SNX24: variants seen among roughly 807,000 people sequenced by gnomAD.
SNX24 encodes sorting nexin 24.
Under a neutral mutation model 28.7 loss-of-function variants are expected in SNX24, and 22 were observed. The observed-to-expected ratio is 0.77, with a 90% confidence interval of 0.55 to 1.10. The LOEUF is 1.10. Among genes scored for constraint, SNX24 ranks in the 50% least tolerant of loss-of-function variants. The probability of loss-of-function intolerance (pLI) is 0.00; values close to 1 mark genes in which losing one functional copy is unlikely to be tolerated. For missense variants in SNX24, 221 were observed against 201.1 expected (o/e 1.10, Z -0.60); for synonymous variants, 69 against 71.5 (o/e 0.96, Z 0.18).
At chr5:122,899,793 G>C (rs1002553921) in intron 1 of SNX24, among the ~76,000 whole-genome samples, 3 of 152,212 alleles carry the variant, frequency 2.0e-5, no homozygotes, top group Non-Finnish European at 4.4e-5. Context: ...AAGGAATGCA[G>C]TGAGCTCTTA....
intron 5 of SNX24, among the ~76,000 whole-genome samples, chr5:123,020,463 C>CTGAGT (rs1762746737): frequency 6.6e-6 from 1 of 152,174 alleles, no homozygotes; most frequent in Non-Finnish European, 1.5e-5. Flanking sequence ...TCATGTTACT[C>CTGAGT]TGAGTTCTCT....
intron 1 of SNX24, among the ~76,000 whole-genome samples, chr5:122,889,707 A>ATG (rs2076680790): frequency 8.8e-6 from 1 of 113,622 alleles, no homozygotes; most frequent in African/African-American, 3.8e-5. Flanking sequence ...GTGTATATAT[A>ATG]TGTATATATA....
intron 2 of SNX24, among the ~76,000 whole-genome samples, chr5:122,945,255 A>G (rs1159657036): frequency 6.6e-6 from 1 of 152,212 alleles, no homozygotes; most frequent in Non-Finnish European, 1.5e-5. Flanking sequence ...CCTTGTGATT[A>G]CATTGAGCCC....
At chr5:122,959,345 G>A (rs1254967329) in intron 3 of SNX24, among the ~76,000 whole-genome samples, 1 of 139,204 alleles carries the variant, frequency 7.2e-6, no homozygotes, top group South Asian at 2.3e-4. Flanking sequence ...CCTTCCTTTT[G>A]CTAGCTTTGG....
At chr5:122,987,853 A>G (rs1236457027) in intron 3 of SNX24, among the ~76,000 whole-genome samples, 1 of 152,214 alleles carries the variant, frequency 6.6e-6, no homozygotes, top group East Asian at 1.9e-4. Context: ...TTTGCATACC[A>G]AGTCTATAGA....
chr5:122,900,182 C>T (rs1757372883), intron 1 of SNX24, among the ~76,000 whole-genome samples: 1 of 93,472 alleles, frequency 1.1e-5, no homozygotes, highest in Non-Finnish European at 2.0e-5. Flanking sequence ...ACCACACCCA[C>T]CCAGCTACTT....
intron 1 of SNX24, among the ~76,000 whole-genome samples, chr5:122,891,841 T>C (rs1430491225): frequency 6.6e-6 from 1 of 152,238 alleles, no homozygotes; most frequent in African/African-American, 2.4e-5. Context: ...ATGTTAGTTA[T>C]TGACTTGTGA....
intron 1 of SNX24, among the ~76,000 whole-genome samples, chr5:122,907,890 ATT>A (rs76184277): frequency 2.7e-5 from 4 of 145,476 alleles, no homozygotes; most frequent in African/African-American, 2.5e-5. Flanking sequence ...CTGAATGGTA[ATT>A]TTTTTTTTTT....
chr5:122,846,042 A>T (rs1754616524), intron 1 of SNX24, among the ~76,000 whole-genome samples: 1 of 151,918 alleles, frequency 6.6e-6, no homozygotes, highest in African/African-American at 2.4e-5. Flanking sequence ...CAGTCCAGAC[A>T]GTAGTAGCTT....
intron 3 of SNX24, 150 bp downstream of exon 3, chr5:122,946,309 G>T (rs1483776513): frequency 2.1e-6 from 1 of 486,650 alleles, no homozygotes; most frequent in African/African-American, 2.0e-5. Context: ...TATGTTGTTG[G>T]TTGGTTCTTG....
intron 1 of SNX24, among the ~76,000 whole-genome samples, chr5:122,914,696 A>T (rs1758080664): frequency 6.6e-6 from 1 of 151,274 alleles, no homozygotes; most frequent in Non-Finnish European, 1.5e-5. Flanking sequence ...AGGTGTTTGT[A>T]GTATTCTCTG....
intron 1 of SNX24, among the ~76,000 whole-genome samples, chr5:122,878,259 T>C (rs1049712010): frequency 5.3e-5 from 8 of 152,130 alleles, no homozygotes; most frequent in African/African-American, 1.9e-4. Context: ...CTCAGCTCAA[T>C]GGAGGCCTGT....
At chr5:122,870,578 A>G (rs1211917611) in intron 1 of SNX24, among the ~76,000 whole-genome samples, 3 of 152,228 alleles carry the variant, frequency 2.0e-5, no homozygotes, top group Non-Finnish European at 4.4e-5. Context: ...ATAAGAGAGA[A>G]ACGGAAGTGG....
intron 3 of SNX24, among the ~76,000 whole-genome samples, chr5:122,969,457 AC>A (rs1196723821): frequency 6.6e-6 from 1 of 152,068 alleles, no homozygotes; most frequent in Non-Finnish European, 1.5e-5. Context: ...AAAAAACTTT[AC>A]TTTTTCCACA....
intron 1 of SNX24, among the ~76,000 whole-genome samples, chr5:122,931,212 A>G (rs553613762): frequency 6.6e-6 from 1 of 152,178 alleles, no homozygotes. Flanking sequence ...TTGCTTTATC[A>G]ATGTGGCATC....
intron 1 of SNX24, among the ~76,000 whole-genome samples, chr5:122,921,898 G>C (rs539480008): frequency 2.6e-5 from 4 of 152,268 alleles, no homozygotes; most frequent in African/African-American, 9.6e-5. Flanking sequence ...CAAATTACGT[G>C]ATTATGGTAT....
chr5:122,951,006 G>T (rs1002029759), intron 3 of SNX24, among the ~76,000 whole-genome samples: 1 of 152,052 alleles, frequency 6.6e-6, no homozygotes, highest in Non-Finnish European at 1.5e-5. Context: ...GGTGGCTCAC[G>T]CCTGTAATCC....
intron 3 of SNX24, among the ~76,000 whole-genome samples, chr5:122,959,642 A>G (rs767144641): frequency 6.6e-5 from 10 of 151,700 alleles, no homozygotes; most frequent in Non-Finnish European, 1.5e-4. Context: ...AAGACTATCA[A>G]CTGAGATTTC....
At chr5:122,851,220 A>G (rs1249707024) in intron 1 of SNX24, among the ~76,000 whole-genome samples, 1 of 152,182 alleles carries the variant, frequency 6.6e-6, no homozygotes, top group Non-Finnish European at 1.5e-5. Context: ...GCTGGAGTGC[A>G]GTGGTGTGAT....
Sources: gnomAD v4.1 joint callset for allele counts (sites outside exome capture counted in the v4.1 genomes callset) on GRCh38, gnomAD v4.1.1 for gene constraint, MANE v1.5 for transcripts, NCBI Gene and HGNC (gene_info 2026-07-23, HGNC 2026-07-21) for gene names.